Variants in AKAP13 observed in about 807,000 individuals in gnomAD.
AKAP13 encodes the protein A-kinase anchoring protein 13.
AKAP13 carries 80 observed loss-of-function variants against 264.5 expected under a neutral mutation model. That is an observed-to-expected ratio of 0.30 (90% CI 0.25 to 0.36). The LOEUF is 0.36. Among genes scored for constraint, AKAP13 ranks in the 10% least tolerant of loss-of-function variants. The probability of loss-of-function intolerance (pLI) is 1.00; values close to 1 mark genes in which losing one functional copy is unlikely to be tolerated. For missense variants in AKAP13, 3,712 were observed against 3,435.2 expected, an observed-to-expected ratio of 1.08 and a Z score of -2.01; for synonymous variants, 1,380 against 1,250.2, an observed-to-expected ratio of 1.10 and a Z score of -2.19.
At chr15:85,380,852 CG>C (rs2141811826) in intron 1 of AKAP13, 54 bp downstream of exon 1, 1 of 144,580 alleles carries the variant, frequency 6.9e-6, no homozygotes, top group African/African-American at 2.5e-5. Flanking sequence ...ATTTGTGGGT[CG>C]GGGCGCGGAG....
At chr15:85,452,485 C>T (rs533228611) in intron 1 of AKAP13, among the ~76,000 whole-genome samples, 9 of 152,228 alleles carry the variant, frequency 5.9e-5, no homozygotes, top group African/African-American at 2.2e-4. Flanking sequence ...GGTTATTTCT[C>T]GTCAGTGTGT....
intron 1 of AKAP13, among the ~76,000 whole-genome samples, chr15:85,460,478 T>C (rs1356139335): frequency 1.3e-5 from 2 of 152,234 alleles, no homozygotes; most frequent in African/African-American, 4.8e-5. Context: ...TCCATGTTTA[T>C]TGAGCCATTT....
rs2081124555 is a variant in AKAP13, at chr15:85,620,285, G to T, written c.4162-19089G>T. On this transcript the variant is annotated intron_variant, in intron 8 of 36. Transcript: ENST00000394518. The stretch of plus-strand genomic sequence containing the variant: ...TATTGGGAGAAAGGCCGAGAAATCT[G>T]TGCACAGTGGAGGATGAGGGGTGAA... 3.1e-6 allele frequency: 3 copies of T among 966,442 alleles called. No homozygotes were observed. The Admixed American group carries it at 6.6e-5, about 21-fold the overall frequency. 59.9% of individuals were successfully genotyped at this position (966,442 alleles called of 1,614,324 possible).
At chr15:85,649,345 G>C (rs561175447) in intron 10 of AKAP13, among the ~76,000 whole-genome samples, 2 of 152,226 alleles carry the variant, frequency 1.3e-5, no homozygotes, top group African/African-American at 2.4e-5. Flanking sequence ...TGCTCTAATA[G>C]CCAGTGATTA....
At chr15:85,528,059 C>T (rs2151178474) in intron 3 of AKAP13, among the ~76,000 whole-genome samples, 1 of 152,248 alleles carries the variant, frequency 6.6e-6, no homozygotes, top group South Asian at 2.1e-4. Flanking sequence ...AGATGGGATG[C>T]ATTCCACTTT....
intron 2 of AKAP13, among the ~76,000 whole-genome samples, chr15:85,493,226 A>G (rs1440618316): frequency 2.6e-5 from 4 of 152,240 alleles, no homozygotes; most frequent in African/African-American, 7.2e-5. Context: ...CATTTTTAAT[A>G]TGGAACATAG....
intron 13 of AKAP13, among the ~76,000 whole-genome samples, chr15:85,667,462 A>AG (rs1326159294): frequency 6.6e-6 from 1 of 152,226 alleles, no homozygotes; most frequent in Non-Finnish European, 1.5e-5. Context: ...GAAGAAAAAA[A>AG]TAGGAACAAT....
chr15:85,453,111 G>A (rs1385649010), intron 1 of AKAP13, among the ~76,000 whole-genome samples: 2 of 152,182 alleles, frequency 1.3e-5, no homozygotes, highest in Admixed American at 1.3e-4. Context: ...CTCTCCTTGA[G>A]TTTACTGCAG....
chr15:85,536,107 C>G (rs2077389957), intron 4 of AKAP13: 1 of 152,170 alleles, frequency 6.6e-6, no homozygotes, highest in Non-Finnish European at 1.5e-5. Flanking sequence ...CGGCCACTTC[C>G]TCTCTTTGGG....
In AKAP13 at chr15:85,684,989, A is replaced by G. The variant is rs370501779; in HGVS notation, c.5289+116A>G. On this transcript the variant is annotated intron_variant, in intron 16 of 36. Transcript: ENST00000394518. ...CATAAATGGAAATAAATTCAGGATT[A>G]CTCTCCGAAATCGCCTAATATTTAA... 4.7e-6 allele frequency: 6 copies of G among 1,283,040 alleles called. No individual in the cohort carries two copies. In the East Asian group the frequency reaches 1.5e-4, roughly 32 times the overall value. The allele number at this position is 1,283,040 out of a possible 1,614,324, so 79.5% of individuals were successfully genotyped here.
intron 11 of AKAP13, among the ~76,000 whole-genome samples, chr15:85,658,310 C>G (rs1269625485): frequency 6.6e-6 from 1 of 152,176 alleles, no homozygotes; most frequent in Non-Finnish European, 1.5e-5. Flanking sequence ...CTTTTGCCAT[C>G]TGATTAACTC....
At chr15:85,479,139 C>T (rs2075275865) in intron 1 of AKAP13, among the ~76,000 whole-genome samples, 1 of 152,200 alleles carries the variant, frequency 6.6e-6, no homozygotes, top group Non-Finnish European at 1.5e-5. Flanking sequence ...TAGAACTTGG[C>T]ATCTTCAACA....
At chr15:85,489,930 A>G (rs953082521) in intron 2 of AKAP13, among the ~76,000 whole-genome samples, 6 of 152,230 alleles carry the variant, frequency 3.9e-5, no homozygotes, top group African/African-American at 7.2e-5. Context: ...CAGTAGCTCA[A>G]TATGGCTATG....
At position 85,443,876 on chromosome 15, in the gene AKAP13, C is replaced by G. The variant is rs575717502; in HGVS notation, c.-11-41834C>G. Among the ~76,000 whole-genome samples the G allele has an allele frequency of 1.4e-4, 21 of 152,126 alleles. No individual in the cohort carries two copies. The South Asian group carries it at 3.7e-3, about 27-fold the overall frequency. ...ATGACTGTCAAGGCTACTTGACTGC[C>G]AGAACTTGCCATTGATGTGCTCACT... On this transcript the variant is annotated intron_variant, in intron 1 of 36. Transcript: ENST00000394518.
intron 19 of AKAP13, 85 bp downstream of exon 19, chr15:85,710,730 T>G: frequency 6.8e-7 from 1 of 1,460,344 alleles, no homozygotes; most frequent in Non-Finnish European, 9.4e-7. Flanking sequence ...TCAGTTATTA[T>G]TCATAGTCAA....
chr15:85,611,041 C>G (rs1052713226), intron 8 of AKAP13, among the ~76,000 whole-genome samples: 5 of 150,894 alleles, frequency 3.3e-5, no homozygotes, highest in Non-Finnish European at 5.9e-5. Flanking sequence ...ATATTTAAAT[C>G]CAGTTTTCAT....
chr15:85,400,164 T>C (rs2150835671), intron 1 of AKAP13, among the ~76,000 whole-genome samples: 1 of 152,170 alleles, frequency 6.6e-6, no homozygotes, highest in South Asian at 2.1e-4. Flanking sequence ...TTTTGAGAGG[T>C]TGAGGTGGGA....
intron 2 of AKAP13, among the ~76,000 whole-genome samples, chr15:85,486,323 A>G (rs1321065653): frequency 6.6e-6 from 1 of 152,148 alleles, no homozygotes; most frequent in Non-Finnish European, 1.5e-5. Flanking sequence ...AATTCTTTGC[A>G]TAACCTAAAG....
chr15:85,456,985 C>T (rs2074303325), intron 1 of AKAP13, among the ~76,000 whole-genome samples: 1 of 152,180 alleles, frequency 6.6e-6, no homozygotes, highest in African/African-American at 2.4e-5. Context: ...GTGAGTCAGG[C>T]ACCAACTGTA....
Sources: allele counts gnomAD v4.1 joint callset (sites outside exome capture counted in the v4.1 genomes callset), GRCh38; gene constraint gnomAD v4.1.1; transcripts MANE v1.5; gene names NCBI Gene and HGNC (gene_info 2026-07-23, HGNC 2026-07-21).